The following ZNF330 variants were observed in gnomAD, a reference collection of about 807,000 sequenced individuals.
ZNF330 encodes the protein nucleolar atypical zinc finger.
Under a neutral mutation model 45.5 loss-of-function variants are expected in ZNF330, and 31 were observed. The observed-to-expected ratio is 0.68, with a 90% CI of 0.51 to 0.92. The LOEUF (loss-of-function observed/expected upper bound fraction) is 0.92. Among genes scored for constraint, ZNF330 ranks in the 40% least tolerant of loss-of-function variants. The pLI, the probability that ZNF330 is intolerant of heterozygous loss-of-function variation, is 0.00. For synonymous variants in ZNF330, 138 were observed against 123.2 expected, an observed-to-expected ratio of 1.12 and a Z score of -0.79; for missense variants, 356 against 387.4, an observed-to-expected ratio of 0.92 and a Z score of 0.68.
intron 2 of ZNF330, chr4:141,223,727 G>C (rs1386541362): frequency 4.4e-6 from 2 of 455,962 alleles, no homozygotes; most frequent in Admixed American, 2.3e-5. Flanking sequence ...ATGACAGCTA[G>C]ATTTTGGAAG....
chr4:141,221,387 GA>G (rs149322884), intron 1 of ZNF330, among the ~76,000 whole-genome samples: 24 of 150,822 alleles, frequency 1.6e-4, no homozygotes, highest in African/African-American at 4.9e-4. Context: ...AAACTGGAGG[GA>G]AAAAAAAATG....
chr4:141,223,751 GT>G (rs1560784877), intron 2 of ZNF330: 4 of 456,164 alleles, frequency 8.8e-6, no homozygotes, highest in Non-Finnish European at 1.8e-5. Flanking sequence ...TTCAATAAAG[GT>G]ACAATGTATT....
At chr4:141,231,521 T>G in intron 8 of ZNF330, 36 bp downstream of exon 8, 1 of 1,548,774 alleles carries the variant, frequency 6.5e-7, no homozygotes, top group Non-Finnish European at 8.8e-7. Flanking sequence ...TAGATTTTGT[T>G]TTTAATCTCT....
intron 4 of ZNF330, among the ~76,000 whole-genome samples, chr4:141,225,927 G>T (rs1271360057): frequency 6.6e-6 from 1 of 151,990 alleles, no homozygotes. Context: ...TGGAACAGTT[G>T]GGTAGCTGCT....
Position 141,234,089 on chromosome 4 carries a change from T to C in ZNF330, c.*100T>C. The C allele has an allele frequency of 1.3e-6, 2 of 1,496,362 alleles. No homozygotes were observed. Among genetic ancestry groups the C allele is most frequent in the Non-Finnish European group, 1.8e-6 (2 of 1,129,784 alleles). 92.7% of individuals were successfully genotyped at this position (1,496,362 alleles called of 1,614,324 possible). A position where few individuals can be genotyped will look rare whatever the true frequency, so the allele number is the denominator to read the frequency against. On this transcript the variant is annotated 3_prime_UTR_variant, in exon 10 of 10. Coordinates refer to ENST00000262990, the MANE Select transcript of ZNF330 (RefSeq NM_014487.6). Reference sequence around the variant, plus strand: ...TCAAAAGTACCTTAGCCACTTAGCCTTGTGCAGAAGACTAGTTACACTTAA... The same window carrying C: ...TCAAAAGTACCTTAGCCACTTAGCCCTGTGCAGAAGACTAGTTACACTTAA...
chr4:141,223,862 CT>C (rs950051688), intron 2 of ZNF330: 17 of 449,860 alleles, frequency 3.8e-5, no homozygotes, highest in African/African-American at 1.8e-4. Context: ...GTAGGAGGCA[CT>C]TTTCAGGGAA....
chr4:141,220,988 T>G lies in ZNF330; in HGVS notation c.-127T>G, dbSNP rs1483952275. ...AGTACCTTCTTTCCCGGAGTCCTGG[T>G]CCACGAGTTGGATTTACTGCTGTCG... On this transcript the variant is annotated 5_prime_UTR_variant, in exon 1 of 10. Transcript: ENST00000262990. The G allele has an allele frequency of 1.3e-5, 2 of 152,348 alleles. No homozygotes were observed. The highest frequency in any genetic ancestry group is 2.9e-5 in the Non-Finnish European group (2 of 68,132). 9.4% of individuals were successfully genotyped at this position (152,348 alleles called of 1,614,324 possible).
At chr4:141,227,813 A>G (rs1728848564) in intron 5 of ZNF330, among the ~76,000 whole-genome samples, 1 of 152,160 alleles carries the variant, frequency 6.6e-6, no homozygotes, top group Non-Finnish European at 1.5e-5. Flanking sequence ...CATTTCAAAA[A>G]AGTGTATATA....
intron 4 of ZNF330, 79 bp downstream of exon 4, chr4:141,224,756 T>C: frequency 8.3e-7 from 1 of 1,208,206 alleles, no homozygotes; most frequent in South Asian, 1.2e-5. Flanking sequence ...GGTTTGTTGC[T>C]ATTGGTTACA....
At chr4:141,220,802 A>T (rs1728651545), upstream of ZNF330, 1 of 152,278 alleles carries the variant, frequency 6.6e-6, no homozygotes, top group Admixed American at 6.5e-5. Context: ...CTGCTTAGGA[A>T]TGGGGCATTG....
At chr4:141,223,035 T>G (rs1358697359) in intron 2 of ZNF330, among the ~76,000 whole-genome samples, 1 of 152,226 alleles carries the variant, frequency 6.6e-6, no homozygotes, top group African/African-American at 2.4e-5. Flanking sequence ...TTCTCTCTAT[T>G]TCCACTCCTT....
chr4:141,230,688 A>G (rs998779350), intron 7 of ZNF330, among the ~76,000 whole-genome samples: 3 of 152,116 alleles, frequency 2.0e-5, no homozygotes, highest in East Asian at 1.9e-4. Context: ...ACAGGACTGT[A>G]TATCAAAAAT....
intron 1 of ZNF330, 34 bp from the exon 2 acceptor site, chr4:141,222,332 A>G (rs1728699402): frequency 1.9e-6 from 3 of 1,601,332 alleles, no homozygotes; most frequent in East Asian, 2.2e-5. Flanking sequence ...CAGTCAGTCA[A>G]TTATATCTTT....
At chr4:141,230,523 A>C (rs917344653) in intron 7 of ZNF330, among the ~76,000 whole-genome samples, 2 of 152,068 alleles carry the variant, frequency 1.3e-5, no homozygotes, top group Non-Finnish European at 2.9e-5. Context: ...GCATTGCAGG[A>C]CTTACACCTT....
Position 141,231,466 on chromosome 4 carries a change from A to C in ZNF330, c.551A>C (p.His184Pro). The C allele has an allele frequency of 6.2e-7, 1 of 1,603,668 alleles. No homozygotes were observed. Among genetic ancestry groups the C allele is most frequent in the Non-Finnish European group, 8.5e-7 (1 of 1,175,852 alleles). The change falls in exon 8 of 10, where the codon CAC becomes CCC. Residue 184 changes from histidine (H) to proline (P), a missense_variant. By Grantham distance (77) the His-to-Pro change is moderately conservative. Transcript: ENST00000262990. ...KCVSCNRLGQ[H>P]SCLRCKACFC... ...GTTTCATGCAATCGGCTTGGTCAGC[A>C]CTCATGTCTCCGTTGTAAGGTATAC...
chr4:141,229,943 A>T (rs1728908945), intron 6 of ZNF330, among the ~76,000 whole-genome samples: 1 of 152,044 alleles, frequency 6.6e-6, no homozygotes, highest in Admixed American at 6.6e-5. Flanking sequence ...TGTGAGTGTT[A>T]TATGGGTAGC....
chr4:141,226,522 T>C (rs1328784700), intron 4 of ZNF330, among the ~76,000 whole-genome samples: 1 of 152,150 alleles, frequency 6.6e-6, no homozygotes, highest in Non-Finnish European at 1.5e-5. Context: ...AATTAGCATA[T>C]ATATTGTATA....
intron 5 of ZNF330, among the ~76,000 whole-genome samples, chr4:141,228,191 G>A (rs1036218772): frequency 1.3e-5 from 2 of 152,092 alleles, no homozygotes; most frequent in Non-Finnish European, 2.9e-5. Flanking sequence ...TTTATTTTAA[G>A]TATAGGATTG....
chr4:141,224,955 C>T (rs930016493), intron 4 of ZNF330, among the ~76,000 whole-genome samples: 2 of 152,094 alleles, frequency 1.3e-5, no homozygotes, highest in Non-Finnish European at 2.9e-5. Flanking sequence ...AGATTTCAGA[C>T]ATAACATTTG....
Sources: allele counts gnomAD v4.1 joint callset (sites outside exome capture counted in the v4.1 genomes callset), GRCh38; gene constraint gnomAD v4.1.1; transcripts MANE v1.5; gene names NCBI Gene and HGNC (gene_info 2026-07-23, HGNC 2026-07-21).